PATE3: variants seen among roughly 807,000 people sequenced by gnomAD.
PATE3 encodes prostate and testis expressed 3.
A neutral mutation model predicts 7.4 loss-of-function variants in PATE3; 7 were observed. The ratio of observed to expected loss-of-function variants is 0.95; its 90% CI spans 0.54 to 1.78. The LOEUF (loss-of-function observed/expected upper bound fraction) is 1.78, where lower values mean the gene tolerates loss of function less well. PATE3 is among the 40% of genes most tolerant of loss of function. PATE3 has a pLI of 0.00. For missense variants in PATE3, 117 were observed against 122.5 expected (o/e 0.96, Z 0.21); for synonymous variants, 38 against 40.2 (o/e 0.94, Z 0.21).
In PATE3 at chr11:125,790,542, C is replaced by T. The variant is rs1424001071; in HGVS notation, c.237C>T (p.Leu79=). ...QKFCRDMTFD[L]RNRTYVHTCC... is the part of the protein sequence containing the mutation. The stretch of plus-strand genomic sequence containing the variant: ...TCTGCAGAGACATGACATTTGATCT[C>T]AGGAATCGGACTTATGTTCATACAT... Residue 79 remains leucine (L), a synonymous_variant, in exon 3 of 3, where the codon CTC becomes CTT. Coordinates refer to ENST00000445202, the MANE Select transcript of PATE3 (RefSeq NM_001129883.4). 6.4e-7 allele frequency: 1 copy of T among 1,551,026 alleles called. No homozygotes were observed. Among genetic ancestry groups the T allele is most frequent in the South Asian group, 1.2e-5 (1 of 84,012 alleles).
intron 1 of PATE3, among the ~76,000 whole-genome samples, chr11:125,788,598 C>T (rs1038449543): frequency 2.0e-5 from 3 of 152,112 alleles, no homozygotes; most frequent in Middle Eastern, 3.4e-3. Context: ...CTTTTGATAC[C>T]CTTTTCAGAG....
At chr11:125,788,512 C>A (rs983857626) in intron 1 of PATE3, among the ~76,000 whole-genome samples, 6 of 152,178 alleles carry the variant, frequency 3.9e-5, no homozygotes, top group Non-Finnish European at 8.8e-5. Context: ...TATTTGTAAA[C>A]CTATATCCCA....
rs535095577 is a variant in PATE3, at chr11:125,790,460, G to A, written c.173-18G>A. On this transcript the variant is annotated intron_variant, in intron 2 of 2. Transcript: ENST00000445202. ...CTTAAATCAAATGCTTATTTTCTGT[G>A]GTTCTTTCCTATTTTAGGCAATACT... is the stretch of plus-strand genomic sequence containing the variant. 4 of 1,544,736 alleles carry A rather than the reference G, an allele frequency of 2.6e-6. No individual in the cohort carries two copies. In the African/African-American group the frequency reaches 5.5e-5, roughly 21 times the overall value.
chr11:125,789,584 C>G (rs969433125), intron 2 of PATE3, 76 bp downstream of exon 2: 1 of 1,473,218 alleles, frequency 6.8e-7, no homozygotes, highest in Non-Finnish European at 9.1e-7. Flanking sequence ...TTTCACATCT[C>G]AAGAGAAGAA....
In PATE3 at chr11:125,790,462, T is replaced by G; in HGVS notation, c.173-16T>G. ...TAAATCAAATGCTTATTTTCTGTGG[T>G]TCTTTCCTATTTTAGGCAATACTCT... On this transcript the variant is annotated splice_polypyrimidine_tract_variant and intron_variant, in intron 2 of 2. Transcript: ENST00000445202. 4 of 1,546,436 alleles carry G rather than the reference T, an allele frequency of 2.6e-6. No individual in the cohort carries two copies. The highest frequency in any genetic ancestry group is 1.4e-5 in the African/African-American group (1 of 73,036).
chr11:125,788,268 G>A (rs1256902871), intron 1 of PATE3, 68 bp downstream of exon 1: 1 of 1,424,580 alleles, frequency 7.0e-7, no homozygotes, highest in Non-Finnish European at 9.7e-7. Context: ...AACTACATGT[G>A]TAGCATGCAT....
Position 125,790,688 on chromosome 11 carries a change from T to G in PATE3, c.*86T>G. ...TCTGCTGGCCCTTGCTTCCCTTCCG[T>G]GTCTGTCCTGACAATACCCCTGCCC... On this transcript the variant is annotated 3_prime_UTR_variant, in exon 3 of 3. Transcript: ENST00000445202. 5 of 1,378,090 alleles carry G rather than the reference T, an allele frequency of 3.6e-6. No homozygotes were observed. The highest frequency in any genetic ancestry group is 4.9e-6 in the Non-Finnish European group (5 of 1,014,416). The allele number at this position is 1,378,090 out of a possible 1,614,324, so 85.4% of individuals were successfully genotyped here.
chr11:125,790,623 C>T lies in PATE3; in HGVS notation c.*21C>T. ...TCTAAGATATTTGCCCTCCTGAGGT[C>T]TCGCTTTGGAATGTCCCCAATGTTG... On this transcript the variant is annotated 3_prime_UTR_variant, in exon 3 of 3. Coordinates refer to ENST00000445202, the MANE Select transcript of PATE3 (RefSeq NM_001129883.4). 1.3e-6 allele frequency: 2 copies of T among 1,547,324 alleles called. No individual in the cohort carries two copies. Among genetic ancestry groups the T allele is most frequent in the Non-Finnish European group, 1.7e-6 (2 of 1,144,784 alleles).
At position 125,790,783 on chromosome 11, in the gene PATE3, T is replaced by A. The variant is rs1943604369; in HGVS notation, c.*181T>A. On this transcript the variant is annotated 3_prime_UTR_variant, in exon 3 of 3. Transcript: ENST00000445202. The stretch of plus-strand genomic sequence containing the variant: ...GTCTTCAGCTTGGCTTCTCCCTCAG[T>A]CAGAGAATAGTGGTTCTGAACAATG... 3 of 563,950 alleles carry A rather than the reference T, an allele frequency of 5.3e-6. No individual in the cohort carries two copies. Among genetic ancestry groups the A allele is most frequent in the Non-Finnish European group, 9.0e-6 (3 of 331,640 alleles). The allele number at this position is 563,950 out of a possible 1,614,324, so 34.9% of individuals were successfully genotyped here.
intron 2 of PATE3, among the ~76,000 whole-genome samples, chr11:125,790,232 G>A (rs1362564337): frequency 6.6e-6 from 1 of 152,162 alleles, no homozygotes; most frequent in Non-Finnish European, 1.5e-5. Flanking sequence ...TAATCTTCTA[G>A]CAAGAGAGAA....
chr11:125,789,339 A>G (rs1943590526), intron 1 of PATE3, 47 bp from the exon 2 acceptor site: 2 of 1,519,444 alleles, frequency 1.3e-6, no homozygotes, highest in East Asian at 2.5e-5. Flanking sequence ...CTCCATCCCA[A>G]GTCCCTGCTT....
intron 2 of PATE3, 135 bp downstream of exon 2, chr11:125,789,643 A>G: frequency 1.1e-6 from 1 of 921,860 alleles, no homozygotes; most frequent in Non-Finnish European, 1.5e-6. Flanking sequence ...GTCCCTGTGC[A>G]TACAGACAGA....
chr11:125,788,263 C>T (rs1943581154), intron 1 of PATE3, 63 bp downstream of exon 1: 10 of 1,429,170 alleles, frequency 7.0e-6, no homozygotes, highest in Admixed American at 2.0e-5. Flanking sequence ...AGGGAAACTA[C>T]ATGTGTAGCA....
In PATE3 at chr11:125,790,613, C is replaced by G. The variant is rs1943602728; in HGVS notation, c.*11C>G. ...AACTTTAAACTCTAAGATATTTGCC[C>G]TCCTGAGGTCTCGCTTTGGAATGTC... On this transcript the variant is annotated 3_prime_UTR_variant, in exon 3 of 3. Coordinates refer to ENST00000445202, the MANE Select transcript of PATE3 (RefSeq NM_001129883.4). The G allele has an allele frequency of 1.9e-6, 3 of 1,549,140 alleles. No homozygotes were observed. Among genetic ancestry groups the G allele is most frequent in the Admixed American group, 2.0e-5 (1 of 50,870 alleles).
Position 125,790,702 on chromosome 11 carries a change from A to G in PATE3, c.*100A>G, listed in dbSNP as rs954031857. 17 of 1,242,430 alleles carry G rather than the reference A, an allele frequency of 1.4e-5. No individual in the cohort carries two copies. The highest frequency in any genetic ancestry group is 1.9e-5 in the Non-Finnish European group (17 of 903,064). 77.0% of individuals were successfully genotyped at this position (1,242,430 alleles called of 1,614,324 possible). On this transcript the variant is annotated 3_prime_UTR_variant, in exon 3 of 3. Transcript: ENST00000445202. ...CTTCCCTTCCGTGTCTGTCCTGACA[A>G]TACCCCTGCCCTCGCATTAACCTAA...
intron 1 of PATE3, among the ~76,000 whole-genome samples, chr11:125,789,162 G>A (rs569303871): frequency 1.3e-5 from 2 of 152,112 alleles, no homozygotes; most frequent in Non-Finnish European, 2.9e-5. Flanking sequence ...GGTTAAAAGG[G>A]CTGAAGGTGG....
chr11:125,788,130 C>T lies in PATE3; in HGVS notation c.-22C>T, dbSNP rs1199926594. On this transcript the variant is annotated 5_prime_UTR_variant, in exon 1 of 3. Transcript: ENST00000445202. ...TGCAGCCCCTAGCTTCTTTTTCCTG[C>T]ACAAGGGATTTCCGGGTCAGGATGA... is the stretch of plus-strand genomic sequence containing the variant. 4.5e-6 allele frequency: 7 copies of T among 1,550,518 alleles called. No individual in the cohort carries two copies. The highest frequency in any genetic ancestry group is 8.7e-7 in the Non-Finnish European group (1 of 1,146,224).
At chr11:125,788,324 C>T in intron 1 of PATE3, 124 bp downstream of exon 1, 1 of 826,386 alleles carries the variant, frequency 1.2e-6, no homozygotes, top group African/African-American at 1.8e-5. Flanking sequence ...CAGGGGAAGC[C>T]AGCCTCCAGA....
rs1379420785 is a variant in PATE3, at chr11:125,790,801, G to C, written c.*199G>C. On this transcript the variant is annotated 3_prime_UTR_variant, in exon 3 of 3. Transcript: ENST00000445202. ...CCCTCAGTCAGAGAATAGTGGTTCTGAACAATGGATTTCTTCTATTATTGG... is the reference window on the plus strand; with the variant it reads ...CCCTCAGTCAGAGAATAGTGGTTCTCAACAATGGATTTCTTCTATTATTGG... The C allele has an allele frequency of 8.2e-6, 4 of 488,746 alleles. No individual in the cohort carries two copies. The highest frequency in any genetic ancestry group is 3.9e-5 in the Admixed American group (1 of 25,506). The allele number at this position is 488,746 out of a possible 1,614,324, so 30.3% of individuals were successfully genotyped here.
Sources: allele counts gnomAD v4.1 joint callset (sites outside exome capture counted in the v4.1 genomes callset), GRCh38; gene constraint gnomAD v4.1.1; transcripts MANE v1.5; gene names NCBI Gene and HGNC (gene_info 2026-07-23, HGNC 2026-07-21).